CNGA1: variants seen among roughly 807,000 people sequenced by gnomAD.
The protein encoded by CNGA1 is cyclic nucleotide-gated channel alpha-1.
A neutral mutation model predicts 69.7 loss-of-function variants in CNGA1; 53 were observed. The observed-to-expected ratio is 0.76, with a 90% CI of 0.61 to 0.96. The LOEUF (loss-of-function observed/expected upper bound fraction) is 0.96. Ranked by LOEUF, CNGA1 falls within the 40% of genes least tolerant of loss-of-function variation. The pLI, the probability that CNGA1 is intolerant of heterozygous loss-of-function variation, is 0.00. For missense variants in CNGA1, 739 were observed against 811.2 expected, an observed-to-expected ratio of 0.91 and a Z score of 1.08; for synonymous variants, 249 against 283.5, an observed-to-expected ratio of 0.88 and a Z score of 1.22.
intron 3 of CNGA1, among the ~76,000 whole-genome samples, chr4:47,976,980 T>C (rs1344515732): frequency 1.3e-5 from 2 of 152,200 alleles, no homozygotes; most frequent in African/African-American, 4.8e-5. Context: ...GATATGTAAT[T>C]GGATCTTGAA....
At chr4:47,971,310 G>A in intron 3 of CNGA1, among the ~76,000 whole-genome samples, 1 of 151,576 alleles carries the variant, frequency 6.6e-6, no homozygotes, top group Middle Eastern at 3.2e-3. Context: ...GGAGTGGAAG[G>A]GAAAATATCT....
chr4:47,956,447 A>G (rs1366248989), intron 3 of CNGA1, among the ~76,000 whole-genome samples: 6 of 152,232 alleles, frequency 3.9e-5, no homozygotes, highest in African/African-American at 1.4e-4. Context: ...CTTTCAGGTT[A>G]CAAGAGAGGA....
intron 6 of CNGA1, among the ~76,000 whole-genome samples, chr4:47,949,210 C>T (rs1367405560): frequency 6.6e-6 from 1 of 152,180 alleles, no homozygotes; most frequent in Non-Finnish European, 1.5e-5. Context: ...CTTGGCTGGC[C>T]TTGGCTGAAG....
chr4:48,008,328 A>G (rs563605815), intron 2 of CNGA1, among the ~76,000 whole-genome samples: 1 of 152,158 alleles, frequency 6.6e-6, no homozygotes, highest in Non-Finnish European at 1.5e-5. Flanking sequence ...ATTCTTTCTC[A>G]TATAAAATTA....
In CNGA1 at chr4:47,943,305, A is replaced by G. The variant is rs775347192; in HGVS notation, c.330-17T>C. On this transcript the variant is annotated splice_polypyrimidine_tract_variant and intron_variant, in intron 7 of 10. Transcript: ENST00000514170. ...TCTGACTTGCTGAAAAAATTAAGCA[A>G]GTAGTATTAAAATACAGAAATGTTA... The G allele has an allele frequency of 5.8e-6, 9 of 1,543,180 alleles. No homozygotes were observed. The highest frequency in any genetic ancestry group is 1.4e-5 in the African/African-American group (1 of 72,686).
chr4:47,938,397 A>ATTT (rs10647718), intron 10 of CNGA1, among the ~76,000 whole-genome samples: 87 of 142,730 alleles, frequency 6.1e-4, no homozygotes, highest in East Asian at 3.1e-3. Context: ...TACTAAGTGC[A>ATTT]TTTTTTTTTT....
intron 3 of CNGA1, among the ~76,000 whole-genome samples, chr4:47,980,276 G>C (rs1355812689): frequency 6.6e-6 from 1 of 152,006 alleles, no homozygotes; most frequent in Admixed American, 6.5e-5. Flanking sequence ...AATGTAAAAA[G>C]CCCGTTTTAA....
chr4:47,977,937 C>A (rs1445687883), intron 3 of CNGA1, among the ~76,000 whole-genome samples: 4 of 152,064 alleles, frequency 2.6e-5, no homozygotes, highest in African/African-American at 9.7e-5. Context: ...AGCAATTCTC[C>A]TGCCTCAGCC....
intron 6 of CNGA1, 83 bp downstream of exon 6, chr4:47,949,750 A>C: frequency 2.0e-6 from 2 of 984,130 alleles, no homozygotes; most frequent in East Asian, 4.9e-5. Flanking sequence ...TGTTTCCTCT[A>C]TAACAGATTC....
Position 47,937,489 on chromosome 4 carries a change from A to G in CNGA1, c.993T>C (p.Pro331=), listed in dbSNP as rs1376324296. The G allele has an allele frequency of 1.2e-6, 2 of 1,614,226 alleles. No homozygotes were observed. The highest frequency in any genetic ancestry group is 1.6e-4 in the Middle Eastern group (1 of 6,062). ...GGCCAAATTCAGGATCATTAATATC[A>G]GGGTAGACCCATGTATCATTTCCAA... The part of the protein sequence containing the change: ...IGFGNDTWVY[P]DINDPEFGRL... The change falls in exon 11 of 11, where the codon CCT becomes CCC. Residue 331 remains proline (P), a synonymous_variant. Transcript: ENST00000514170.
At chr4:47,985,547 A>G (rs1413305728) in intron 2 of CNGA1, among the ~76,000 whole-genome samples, 1 of 152,284 alleles carries the variant, frequency 6.6e-6, no homozygotes, top group Admixed American at 6.5e-5. Context: ...TGATTATAGT[A>G]AACCTTTCTT....
Position 47,976,281 on chromosome 4 carries a change from GTATA to G in CNGA1, c.-15+5108_-15+5111del, listed in dbSNP as rs368666449. ...CATACATATATATATACATATATAT[GTATA>G]TATATATATACACATACATATATAT... On this transcript the variant is annotated intron_variant, in intron 3 of 10. Coordinates refer to ENST00000514170, the MANE Select transcript of CNGA1 (RefSeq NM_001379270.1). Among the ~76,000 whole-genome samples, 142 of 55,504 alleles carry G rather than the reference GTATA, an allele frequency of 2.6e-3. 18 individuals carry two copies. Among genetic ancestry groups the G allele is most frequent in the Non-Finnish European group, 4.2e-3 (123 of 29,190 alleles). 36.4% of individuals were successfully genotyped at this position (55,504 alleles called of 152,430 possible).
Position 47,937,387 on chromosome 4 carries a change from G to T in CNGA1, c.1095C>A (p.Pro365=), listed in dbSNP as rs569092237. 1.9e-6 allele frequency: 3 copies of T among 1,614,042 alleles called. No homozygotes were observed. Among genetic ancestry groups the T allele is most frequent in the Non-Finnish European group, 1.7e-6 (2 of 1,180,040 alleles). ...CAAAGACATACTCAGAATCCCTCACGGGAGGGGGTGTTTCACCAATGGTAG... is the reference window on the plus strand; with the variant it reads ...CAAAGACATACTCAGAATCCCTCACTGGAGGGGGTGTTTCACCAATGGTAG... The part of the protein sequence containing the change: ...TLTTIGETPP[P]VRDSEYVFVV... Residue 365 remains proline, a synonymous_variant, in exon 11 of 11, where the codon CCC becomes CCA. Coordinates refer to ENST00000514170, the MANE Select transcript of CNGA1 (RefSeq NM_001379270.1).
intron 6 of CNGA1, among the ~76,000 whole-genome samples, chr4:47,947,770 G>C (rs1318227377): frequency 2.6e-5 from 4 of 152,220 alleles, no homozygotes. Context: ...TGACTGGTTG[G>C]TCAGGGACCT....
intron 3 of CNGA1, 192 bp from the exon 4 acceptor site, chr4:47,952,895 T>C: frequency 2.9e-6 from 1 of 339,550 alleles, no homozygotes; most frequent in Non-Finnish European, 5.2e-6. Context: ...CTCACAATCA[T>C]GGCAGAAAGC....
chr4:47,991,941 T>C (rs1560309292), intron 2 of CNGA1, among the ~76,000 whole-genome samples: 2 of 152,188 alleles, frequency 1.3e-5, no homozygotes, highest in African/African-American at 4.8e-5. Context: ...CCCCACTTTA[T>C]GTTTTTGTTT....
intron 6 of CNGA1, among the ~76,000 whole-genome samples, chr4:47,948,218 T>C (rs1435903125): frequency 2.0e-5 from 3 of 151,006 alleles, no homozygotes; most frequent in African/African-American, 7.3e-5. Context: ...GGAACCTGAG[T>C]TTGGGATCCA....
chr4:47,991,510 ATTGT>A (rs1343028620), intron 2 of CNGA1, among the ~76,000 whole-genome samples: 3 of 151,400 alleles, frequency 2.0e-5, no homozygotes, highest in Non-Finnish European at 4.4e-5. Flanking sequence ...TTTTGATGGA[ATTGT>A]TTGTTTTTTT....
At chr4:47,953,082 AGGGATTAT>A (rs1194949338) in intron 3 of CNGA1, among the ~76,000 whole-genome samples, 1 of 152,190 alleles carries the variant, frequency 6.6e-6, no homozygotes, top group Non-Finnish European at 1.5e-5. Context: ...CATGACACAT[AGGGATTAT>A]GGGAGCCGCA....
Sources: gnomAD v4.1 joint callset for allele counts (sites outside exome capture counted in the v4.1 genomes callset) on GRCh38, gnomAD v4.1.1 for gene constraint, MANE v1.5 for transcripts, NCBI Gene and HGNC (gene_info 2026-07-23, HGNC 2026-07-21) for gene names.